SRGAP2: variants seen among roughly 807,000 people sequenced by gnomAD.
SRGAP2 encodes SLIT-ROBO Rho GTPase-activating protein 2.
A neutral mutation model predicts 57.2 loss-of-function variants in SRGAP2; 15 were observed. The ratio of observed to expected loss-of-function variants is 0.26; its 90% CI spans 0.18 to 0.40. SRGAP2 has a LOEUF of 0.40. Among genes scored for constraint, SRGAP2 ranks in the 10% least tolerant of loss-of-function variants. The pLI, the probability that SRGAP2 is intolerant of heterozygous loss-of-function variation, is 1.00. For synonymous variants in SRGAP2, 249 were observed against 248.0 expected (o/e 1.00, Z -0.04); for missense variants, 520 against 669.6 (o/e 0.78, Z 2.47).
intron 3 of SRGAP2, among the ~76,000 whole-genome samples, chr1:206,313,563 A>G (rs1553324968): frequency 1.3e-5 from 2 of 151,892 alleles, no homozygotes; most frequent in African/African-American, 4.8e-5. Flanking sequence ...AGCTGGGAGA[A>G]TAAGTGGATG....
At chr1:206,371,497 G>A (rs1481712183) in intron 4 of SRGAP2, among the ~76,000 whole-genome samples, 4 of 150,002 alleles carry the variant, frequency 2.7e-5, no homozygotes, top group Non-Finnish European at 4.4e-5. Flanking sequence ...TTGGGAGGCC[G>A]AGACGGGCAG....
chr1:206,260,949 T>C (rs1669516557), intron 2 of SRGAP2, among the ~76,000 whole-genome samples: 1 of 152,230 alleles, frequency 6.6e-6, no homozygotes, highest in African/African-American at 2.4e-5. Context: ...GAATCTGACA[T>C]CCCTTCATAA....
chr1:206,437,657 A>T, intron 15 of SRGAP2: 1 of 281,196 alleles, frequency 3.6e-6, no homozygotes, highest in Non-Finnish European at 6.7e-6. Flanking sequence ...GCCTGGTTTC[A>T]TGATTCTTGT....
chr1:206,379,043 T>G (rs1553346108), intron 4 of SRGAP2, among the ~76,000 whole-genome samples: 1 of 151,840 alleles, frequency 6.6e-6, no homozygotes, highest in African/African-American at 2.4e-5. Flanking sequence ...TATTTGTGTT[T>G]TATACATCCT....
At chr1:206,421,374 C>A in intron 13 of SRGAP2, 100 bp downstream of exon 13, 1 of 556,534 alleles carries the variant, frequency 1.8e-6, no homozygotes, top group Non-Finnish European at 3.3e-6. Context: ...ACACCTCTGA[C>A]TTCATGCCTG....
chr1:206,229,692 C>T (rs1239691484), intron 2 of SRGAP2, among the ~76,000 whole-genome samples: 38 of 151,888 alleles, frequency 2.5e-4, no homozygotes, highest in Non-Finnish European at 2.9e-5. Context: ...TTTTTTTGTC[C>T]TCTCAGAGAC....
At chr1:206,413,301 A>G (rs1659378679) in intron 10 of SRGAP2, among the ~76,000 whole-genome samples, 1 of 152,168 alleles carries the variant, frequency 6.6e-6, no homozygotes, top group African/African-American at 2.4e-5. Flanking sequence ...ATTGTTGGCA[A>G]TGGATATTTC....
At chr1:206,248,543 G>T (rs1422341026) in intron 2 of SRGAP2, among the ~76,000 whole-genome samples, 2 of 152,072 alleles carry the variant, frequency 1.3e-5, no homozygotes, top group Non-Finnish European at 2.9e-5. Flanking sequence ...TCAAACTGCA[G>T]ATCTTTTGGC....
intron 16 of SRGAP2, among the ~76,000 whole-genome samples, chr1:206,438,914 T>C (rs1383642332): frequency 6.6e-6 from 1 of 152,222 alleles, no homozygotes; most frequent in Non-Finnish European, 1.5e-5. Flanking sequence ...CTCTCTGTTA[T>C]CCTGAGAAAT....
intron 16 of SRGAP2, among the ~76,000 whole-genome samples, chr1:206,438,508 A>G (rs1312504075): frequency 6.6e-6 from 1 of 152,254 alleles, no homozygotes; most frequent in Non-Finnish European, 1.5e-5. Context: ...TACCTGCTAA[A>G]TGTATTAATA....
In SRGAP2 at chr1:206,345,933, TA is replaced by T. The variant is rs201589916; in HGVS notation, c.423+2937del. 6.0e-3 allele frequency among the ~76,000 whole-genome samples: 847 copies of T among 140,476 alleles called. 8 individuals are homozygous for T. Among genetic ancestry groups the T allele is most frequent in the African/African-American group, 0.02 (752 of 38,558 alleles). 92.2% of individuals were successfully genotyped at this position (140,476 alleles called of 152,430 possible). A position where few individuals can be genotyped will look rare whatever the true frequency, so the allele number is the denominator to read the frequency against. On this transcript the variant is annotated intron_variant, in intron 4 of 22. Coordinates refer to ENST00000573034, the MANE Select transcript of SRGAP2 (RefSeq NM_015326.5). ...GGCAACAGAGAGAGACCCTGACTCC[TA>T]AAAAAAAAAAATTGATTCATTCTCT... is the stretch of plus-strand genomic sequence containing the variant.
chr1:206,273,646 C>G (rs1424629131), intron 2 of SRGAP2, among the ~76,000 whole-genome samples: 1 of 149,858 alleles, frequency 6.7e-6, no homozygotes, highest in East Asian at 1.9e-4. Context: ...GATATCACTT[C>G]AGTTTCAGAC....
rs782525768 is a variant in SRGAP2 at position 206,446,063 on chromosome 1, C to G, written c.1875-12C>G. 3.8e-6 allele frequency: 3 copies of G among 779,892 alleles called. No individual in the cohort carries two copies. The Admixed American group carries it at 5.1e-5, about 13-fold the overall frequency. The allele number at this position is 779,892 out of a possible 1,614,324, so 48.3% of individuals were successfully genotyped here. A position where few individuals can be genotyped will look rare whatever the true frequency, so the allele number is the denominator to read the frequency against. On this transcript the variant is annotated splice_polypyrimidine_tract_variant and intron_variant, in intron 17 of 22. Transcript: ENST00000573034. ...GAGCTTTCCAGCTTGCCCCCTTTCCCTTCTCCTCCAGTTTATCACAGTTCA... is the reference window on the plus strand; with the variant it reads ...GAGCTTTCCAGCTTGCCCCCTTTCCGTTCTCCTCCAGTTTATCACAGTTCA...
At chr1:206,371,478 C>T (rs1266807305) in intron 4 of SRGAP2, among the ~76,000 whole-genome samples, 1 of 151,006 alleles carries the variant, frequency 6.6e-6, no homozygotes, top group Non-Finnish European at 1.5e-5. Context: ...TGCCTGTAAT[C>T]CCAGCACTTT....
At chr1:206,209,487 CAG>C (rs554243781) in intron 2 of SRGAP2, among the ~76,000 whole-genome samples, 2 of 151,816 alleles carry the variant, frequency 1.3e-5, no homozygotes, top group South Asian at 4.2e-4. Flanking sequence ...AACCCTACCC[CAG>C]AGTGGTTTTA....
chr1:206,292,814 CTT>C (rs1320831923), intron 2 of SRGAP2, among the ~76,000 whole-genome samples: 1 of 150,992 alleles, frequency 6.6e-6, no homozygotes, highest in Non-Finnish European at 1.5e-5. Flanking sequence ...TATTTCTAGA[CTT>C]GACCTCTCCT....
At chr1:206,329,738 A>G (rs1393254340) in intron 3 of SRGAP2, among the ~76,000 whole-genome samples, 1 of 145,472 alleles carries the variant, frequency 6.9e-6, no homozygotes, top group Non-Finnish European at 1.5e-5. Context: ...ATAAACAATC[A>G]TGTCATCTGC....
chr1:206,282,067 G>A (rs1452351988), intron 2 of SRGAP2, among the ~76,000 whole-genome samples: 1 of 93,068 alleles, frequency 1.1e-5, no homozygotes, highest in East Asian at 3.4e-4. Context: ...GTCATGTAGT[G>A]TGTTCAGGGT....
At chr1:206,267,042 C>G (rs1669899192) in intron 2 of SRGAP2, among the ~76,000 whole-genome samples, 1 of 147,340 alleles carries the variant, frequency 6.8e-6, no homozygotes, top group African/African-American at 2.5e-5. Flanking sequence ...AATCTTGGCT[C>G]ACTGCAAGCT....
Sources: gnomAD v4.1 joint callset for allele counts (sites outside exome capture counted in the v4.1 genomes callset) on GRCh38, gnomAD v4.1.1 for gene constraint, MANE v1.5 for transcripts, NCBI Gene and HGNC (gene_info 2026-07-23, HGNC 2026-07-21) for gene names.